The following SLCO1A2 variants were observed in gnomAD, a reference collection of about 807,000 sequenced individuals.
The protein encoded by SLCO1A2 is OATP-1.
SLCO1A2 carries 67 observed loss-of-function variants against 69.0 expected under a neutral mutation model. The ratio of observed to expected loss-of-function variants is 0.97; its 90% CI spans 0.80 to 1.19. SLCO1A2 has a LOEUF of 1.19. Ranked by LOEUF, SLCO1A2 falls within the 50% of genes most tolerant of loss-of-function variation. The pLI is 0.00. For missense variants in SLCO1A2, 787 were observed against 793.7 expected (o/e 0.99, Z 0.10); for synonymous variants, 260 against 265.9 (o/e 0.98, Z 0.22).
chr12:21,300,627 T>C, intron 7 of SLCO1A2, 58 bp from the exon 8 acceptor site: 2 of 1,273,618 alleles, frequency 1.6e-6, no homozygotes, highest in Non-Finnish European at 2.1e-6. Context: ...GTATGAACTA[T>C]AGAAAATTAT....
chr12:21,281,599 G>C (rs1474287364), intron 12 of SLCO1A2, among the ~76,000 whole-genome samples: 2 of 151,596 alleles, frequency 1.3e-5, no homozygotes, highest in Non-Finnish European at 2.9e-5. Flanking sequence ...CAATACAAAA[G>C]ATCAACAAAA....
rs185543502 is a variant in SLCO1A2 at position 21,293,441 on chromosome 12, T to G, written c.1437+504A>C. ...ATCACCAACCAACGTTATATTAATA[T>G]TACAATTGATGTTATATTATATTGT... On this transcript the variant is annotated intron_variant, in intron 11 of 14. Transcript: ENST00000683939. Among the ~76,000 whole-genome samples the G allele has an allele frequency of 4.8e-4, 73 of 152,164 alleles. 1 individual carries two copies. Among genetic ancestry groups the G allele is most frequent in the Non-Finnish European group, 1.2e-4 (8 of 68,030 alleles).
chr12:21,389,209 T>C (rs1212926278), intron 1 of SLCO1A2, among the ~76,000 whole-genome samples: 2 of 152,152 alleles, frequency 1.3e-5, no homozygotes, highest in Admixed American at 6.6e-5. Context: ...AAGATATCAA[T>C]TTACTTGTCA....
At chr12:21,295,500 C>G (rs1947577000) in intron 10 of SLCO1A2, 97 bp downstream of exon 10, 1 of 768,330 alleles carries the variant, frequency 1.3e-6, no homozygotes, top group Non-Finnish European at 2.2e-6. Context: ...ATCATTAACT[C>G]CAATAAGAAA....
At chr12:21,348,635 C>T (rs948616602) in intron 2 of SLCO1A2, among the ~76,000 whole-genome samples, 1 of 152,090 alleles carries the variant, frequency 6.6e-6, no homozygotes, top group Non-Finnish European at 1.5e-5. Context: ...TCTATAACAC[C>T]ACATTCTGTA....
At chr12:21,370,148 CCTGAGTAGCT>C (rs1179469191) in intron 2 of SLCO1A2, among the ~76,000 whole-genome samples, 1 of 152,000 alleles carries the variant, frequency 6.6e-6, no homozygotes, top group African/African-American at 2.4e-5. Context: ...TCATTCTGCT[CCTGAGTAGCT>C]CTGTAACCTT....
At chr12:21,387,937 C>G (rs144112366) in intron 1 of SLCO1A2, among the ~76,000 whole-genome samples, 1 of 152,362 alleles carries the variant, frequency 6.6e-6, no homozygotes, top group East Asian at 1.9e-4. Flanking sequence ...CCTCTTGCAT[C>G]AGCACGACCT....
intron 2 of SLCO1A2, among the ~76,000 whole-genome samples, chr12:21,359,505 C>T (rs1383553479): frequency 6.6e-6 from 1 of 152,156 alleles, no homozygotes; most frequent in Non-Finnish European, 1.5e-5. Context: ...AATAACCTTG[C>T]AATGAAATCC....
upstream of SLCO1A2, among the ~76,000 whole-genome samples, chr12:21,337,749 A>C (rs2306228): frequency 7.2e-5 from 11 of 152,078 alleles, no homozygotes; most frequent in East Asian, 1.9e-3. Context: ...TTTTACTTCT[A>C]TTGGTTCATT....
At chr12:21,298,977 AAAC>A (rs1270817408) in intron 8 of SLCO1A2, among the ~76,000 whole-genome samples, 1 of 152,172 alleles carries the variant, frequency 6.6e-6, no homozygotes, top group Non-Finnish European at 1.5e-5. Context: ...GTGATGATAG[AAAC>A]AACAATGACA....
chr12:21,279,604 A>T (rs192396433), intron 12 of SLCO1A2, among the ~76,000 whole-genome samples: 1 of 152,228 alleles, frequency 6.6e-6, no homozygotes, highest in Non-Finnish European at 1.5e-5. Flanking sequence ...TGGTGAAAAT[A>T]TCCTCCAAAC....
In SLCO1A2 at chr12:21,417,134, G is replaced by A. The variant is rs903724521; in HGVS notation, c.-312+748C>T. Among the ~76,000 whole-genome samples, 10 of 151,650 alleles carry A rather than the reference G, an allele frequency of 6.6e-5. No homozygotes were observed. The East Asian group carries it at 1.8e-3, about 27-fold the overall frequency. On this transcript the variant is annotated intron_variant, in intron 1 of 4. Coordinates refer to the SLCO1A2 transcript ENST00000413682. Reference sequence around the variant, plus strand: ...GACTTCACTTTTTCTAGAAGATTTGGGAAGAAACTAGTGAAAGAAACAAAG... The same window carrying A: ...GACTTCACTTTTTCTAGAAGATTTGAGAAGAAACTAGTGAAAGAAACAAAG...
chr12:21,366,193 T>C (rs1235481333), intron 2 of SLCO1A2, among the ~76,000 whole-genome samples: 3 of 152,062 alleles, frequency 2.0e-5, no homozygotes, highest in Non-Finnish European at 2.9e-5. Context: ...ATGTGGCACA[T>C]ATACACCATG....
At chr12:21,300,724 T>G (rs1229140107) in intron 7 of SLCO1A2, among the ~76,000 whole-genome samples, 155 bp from the exon 8 acceptor site, 3 of 152,192 alleles carry the variant, frequency 2.0e-5, no homozygotes, top group Non-Finnish European at 1.5e-5. Context: ...ATATGTGGTG[T>G]TGTAATATTG....
At chr12:21,368,045 T>C (rs1207330307) in intron 2 of SLCO1A2, among the ~76,000 whole-genome samples, 1 of 152,142 alleles carries the variant, frequency 6.6e-6, no homozygotes, top group Non-Finnish European at 1.5e-5. Flanking sequence ...CAGCAAAGAT[T>C]GCTAAAACCA....
At position 21,318,928 on chromosome 12, in the gene SLCO1A2, G is replaced by GA. The variant is rs1162752924; in HGVS notation, c.61-6dup. 2.5e-6 allele frequency: 4 copies of GA among 1,569,286 alleles called. No individual in the cohort carries two copies. The highest frequency in any genetic ancestry group is 3.4e-6 in the Non-Finnish European group (4 of 1,165,512). On this transcript the variant is annotated splice_polypyrimidine_tract_variant and splice_region_variant and intron_variant, in intron 2 of 14. Coordinates refer to ENST00000683939, the MANE Select transcript of SLCO1A2 (RefSeq NM_001386879.1). ...TGTTATTGCCAACAGAAACATCTAGGAAAAAAATATAAGAAAACGTAGAAA... is the reference window on the plus strand; with the variant it reads ...TGTTATTGCCAACAGAAACATCTAGGAAAAAAAATATAAGAAAACGTAGAAA...
intron 1 of SLCO1A2, among the ~76,000 whole-genome samples, chr12:21,413,748 C>T (rs1195604456): frequency 6.6e-6 from 1 of 152,096 alleles, no homozygotes; most frequent in Non-Finnish European, 1.5e-5. Flanking sequence ...TAGAGACAGC[C>T]TTACATTCCT....
At chr12:21,368,960 G>C (rs1939590186) in intron 2 of SLCO1A2, among the ~76,000 whole-genome samples, 1 of 151,974 alleles carries the variant, frequency 6.6e-6, no homozygotes, top group South Asian at 2.1e-4. Flanking sequence ...AAATATTTTT[G>C]AAATGTAGAA....
chr12:21,284,502 G>A (rs570333655), intron 12 of SLCO1A2, among the ~76,000 whole-genome samples: 57 of 151,732 alleles, frequency 3.8e-4, no homozygotes, highest in Admixed American at 9.2e-4. Context: ...TGCACCAAGC[G>A]AACCTAATAG....
Sources: allele counts gnomAD v4.1 joint callset (sites outside exome capture counted in the v4.1 genomes callset), GRCh38; gene constraint gnomAD v4.1.1; transcripts MANE v1.5; gene names NCBI Gene and HGNC (gene_info 2026-07-23, HGNC 2026-07-21).